The following MED17 variants were observed in gnomAD, a reference collection of about 807,000 sequenced individuals.
The protein encoded by MED17 is mediator of RNA polymerase II transcription subunit 17.
Under a neutral mutation model 80.8 loss-of-function variants are expected in MED17, and 49 were observed. That is an observed-to-expected ratio of 0.61 (90% confidence interval 0.48 to 0.77). The LOEUF (loss-of-function observed/expected upper bound fraction) is 0.77. MED17 is among the 30% of genes least tolerant of loss of function. MED17 has a pLI of 0.00. For synonymous variants in MED17, 281 were observed against 280.4 expected, an observed-to-expected ratio of 1.00 and a Z score of -0.02; for missense variants, 718 against 787.0, an observed-to-expected ratio of 0.91 and a Z score of 1.05.
intron 5 of MED17, chr11:93,794,649 T>C: frequency 7.4e-6 from 4 of 539,518 alleles, no homozygotes. Context: ...TACTTCCCTC[T>C]ACAGGAATTT....
intron 9 of MED17, 78 bp from the exon 10 acceptor site, chr11:93,807,440 A>G (rs936859870): frequency 1.2e-6 from 1 of 857,824 alleles, no homozygotes; most frequent in Non-Finnish European, 2.0e-6. Flanking sequence ...TTCTAATTTG[A>G]TGTTAACGTT....
chr11:93,802,683 T>C (rs556732764), intron 9 of MED17, among the ~76,000 whole-genome samples: 2 of 152,324 alleles, frequency 1.3e-5, no homozygotes, highest in East Asian at 1.9e-4. Context: ...ATACTCTCCA[T>C]GTTATGCCTA....
chr11:93,788,414 G>A (rs1943794118), intron 2 of MED17: 6 of 355,958 alleles, frequency 1.7e-5, no homozygotes, highest in South Asian at 1.6e-4. Flanking sequence ...AGGCGTGGTG[G>A]CTCACGCCTG....
chr11:93,796,959 G>A (rs973178863), intron 7 of MED17: 3 of 231,258 alleles, frequency 1.3e-5, no homozygotes, highest in Admixed American at 1.0e-4. Context: ...AGAATATCCT[G>A]TGAAATTTCA....
intron 11 of MED17, 59 bp downstream of exon 11, chr11:93,809,935 T>C: frequency 6.4e-7 from 1 of 1,550,728 alleles, no homozygotes; most frequent in African/African-American, 1.4e-5. Flanking sequence ...TAACATTTAG[T>C]TTTAATAATT....
chr11:93,794,155 T>G lies in MED17; in HGVS notation c.859+120T>G. The G allele has an allele frequency of 2.5e-6, 2 of 795,630 alleles. 1 individual carries two copies. The highest frequency in any genetic ancestry group is 3.1e-5 in the South Asian group (2 of 65,420). 49.3% of individuals were successfully genotyped at this position (795,630 alleles called of 1,614,324 possible). A position where few individuals can be genotyped will look rare whatever the true frequency, so the allele number is the denominator to read the frequency against. On this transcript the variant is annotated intron_variant, in intron 5 of 11. Transcript: ENST00000251871. Reference sequence around the variant, plus strand: ...TTTGAAGTAAGAACAATTCAAAATATACTTCTAAAATTTATCAATAAACTA... The same window carrying G: ...TTTGAAGTAAGAACAATTCAAAATAGACTTCTAAAATTTATCAATAAACTA...
rs576697131 is a variant in MED17 at position 93,813,219 on chromosome 11, T to G, written c.*1155T>G. 1 of 152,306 alleles carries G rather than the reference T, an allele frequency of 6.6e-6. No individual in the cohort carries two copies. The highest frequency in any genetic ancestry group is 2.1e-4 in the South Asian group (1 of 4,832). The allele number at this position is 152,306 out of a possible 1,614,324, so 9.4% of individuals were successfully genotyped here. A position where few individuals can be genotyped will look rare whatever the true frequency, so the allele number is the denominator to read the frequency against. On this transcript the variant is annotated 3_prime_UTR_variant, in exon 12 of 12. Transcript: ENST00000251871. ...TCTCCTTATAAGTAAGGCTTTCAAT[T>G]TTTAAAACAGACATCCTGCTTTAAC...
intron 1 of MED17, among the ~76,000 whole-genome samples, chr11:93,785,296 A>G (rs1337007361): frequency 6.6e-6 from 1 of 152,238 alleles, no homozygotes; most frequent in Non-Finnish European, 1.5e-5. Context: ...CTTTTGCAGG[A>G]TAAGTAGAGA....
chr11:93,793,617 GACTT>G (rs531636558), intron 3 of MED17, 107 bp from the exon 4 acceptor site: 54 of 806,108 alleles, frequency 6.7e-5, no homozygotes, highest in Non-Finnish European at 1.0e-4. Context: ...TTTTAGTGGG[GACTT>G]ACTTTGTGAT....
intron 8 of MED17, chr11:93,800,532 G>A (rs1943951718): frequency 2.0e-5 from 3 of 151,788 alleles, no homozygotes; most frequent in Admixed American, 2.0e-4. Context: ...GGGAGGCTGA[G>A]GCAGGAGAAT....
intron 8 of MED17, chr11:93,801,604 CAG>C (rs748538159): frequency 3.2e-5 from 16 of 507,100 alleles, no homozygotes; most frequent in Non-Finnish European, 4.6e-5. Context: ...TCATGATAAT[CAG>C]GGGTGTGTGA....
intron 9 of MED17, chr11:93,806,958 A>G (rs1001131698): frequency 2.6e-5 from 4 of 154,332 alleles, no homozygotes; most frequent in African/African-American, 9.6e-5. Flanking sequence ...CTGCTGCTAT[A>G]TAGACAGTTG....
At chr11:93,789,571 TACAC>T (rs1432474991) in intron 2 of MED17, 1 of 152,210 alleles carries the variant, frequency 6.6e-6, no homozygotes, top group African/African-American at 2.4e-5. Flanking sequence ...GTTAGTAAAA[TACAC>T]AAATTATGGT....
chr11:93,799,704 A>T (rs575752613), intron 8 of MED17, among the ~76,000 whole-genome samples: 3 of 152,294 alleles, frequency 2.0e-5, no homozygotes, highest in African/African-American at 7.2e-5. Flanking sequence ...TGAGCCTGGG[A>T]TGTTGAGGCT....
chr11:93,795,164 A>G, intron 6 of MED17, 104 bp downstream of exon 6: 2 of 1,255,844 alleles, frequency 1.6e-6, no homozygotes, highest in Non-Finnish European at 2.3e-6. Context: ...AATGAGAGCA[A>G]AGAAATAGTG....
Position 93,797,659 on chromosome 11 carries a change from C to A in MED17, c.1268C>A (p.Ser423Tyr). Residue 423 changes from serine to tyrosine, a missense_variant, in exon 8 of 12, where the codon TCC (serine) becomes TAC (tyrosine). Transcript: ENST00000251871. ...FDKNEINSLQSSEGLLEKIIK... is the reference protein window; with the variant it reads ...FDKNEINSLQYSEGLLEKIIK... ...AAAAATGAAATTAATTCATTACAGT[C>A]CAGTGAAGGGCTTCTGGAAAAAATA... The A allele has an allele frequency of 6.2e-7, 1 of 1,613,672 alleles. No individual in the cohort carries two copies. The highest frequency in any genetic ancestry group is 1.1e-5 in the South Asian group (1 of 91,046).
intron 6 of MED17, 122 bp downstream of exon 6, chr11:93,795,182 C>T (rs929710620): frequency 9.3e-7 from 1 of 1,070,778 alleles, no homozygotes; most frequent in Non-Finnish European, 1.4e-6. Flanking sequence ...GTGTGCTATC[C>T]ATAGTGACAG....
At chr11:93,795,299 AT>A (rs1473898389) in intron 6 of MED17, 1 of 559,042 alleles carries the variant, frequency 1.8e-6, no homozygotes, top group African/African-American at 1.9e-5. Flanking sequence ...TTATGTAGTC[AT>A]TATTGTGGTC....
At position 93,790,583 on chromosome 11, in the gene MED17, A is replaced by T. The variant is rs760351508; in HGVS notation, c.427A>T (p.Thr143Ser). 2 of 1,614,062 alleles carry T rather than the reference A, an allele frequency of 1.2e-6. No individual in the cohort carries two copies. The highest frequency in any genetic ancestry group is 1.7e-6 in the Non-Finnish European group (2 of 1,179,944). The change falls in exon 3 of 12, where the codon ACG (threonine) becomes TCG (serine). Residue 143 changes from threonine (T) to serine (S), a missense_variant. Physicochemically the swap from Thr to Ser is moderately conservative, Grantham distance 58. Transcript: ENST00000251871. ...GGGTTGTTTTTGACAGAATCCTCAG[A>T]CGTTGCAATTGATATCTAAAAAGAA... Reference protein sequence around the residue: ...DALPPKQNPQTLQLISKKKSL... With the variant: ...DALPPKQNPQSLQLISKKKSL...
Sources: allele counts gnomAD v4.1 joint callset (sites outside exome capture counted in the v4.1 genomes callset), GRCh38; gene constraint gnomAD v4.1.1; transcripts MANE v1.5; gene names NCBI Gene and HGNC (gene_info 2026-07-23, HGNC 2026-07-21).